PRKCE: variants seen among roughly 807,000 people sequenced by gnomAD.
PRKCE encodes the protein protein kinase C epsilon.
Under a neutral mutation model 85.4 loss-of-function variants are expected in PRKCE, and 16 were observed. The ratio of observed to expected loss-of-function variants is 0.19; its 90% confidence interval spans 0.13 to 0.28. The LOEUF (loss-of-function observed/expected upper bound fraction) is 0.28. Among genes scored for constraint, PRKCE ranks in the 10% least tolerant of loss-of-function variants. The pLI is 1.00. For synonymous variants in PRKCE, 388 were observed against 371.5 expected (o/e 1.04, Z -0.51); for missense variants, 573 against 975.2 (o/e 0.59, Z 5.49).
intron 1 of PRKCE, among the ~76,000 whole-genome samples, chr2:45,665,812 A>G (rs1675884561): frequency 6.6e-6 from 1 of 152,182 alleles, no homozygotes; most frequent in African/African-American, 2.4e-5. Flanking sequence ...TTTCTTTGCT[A>G]AAGCTGGCAA....
intron 11 of PRKCE, among the ~76,000 whole-genome samples, chr2:46,132,514 T>C (rs1396449368): frequency 6.6e-6 from 1 of 152,184 alleles, no homozygotes; most frequent in South Asian, 2.1e-4. Flanking sequence ...TCTTTATCTC[T>C]AATCACCTTT....
rs1298344155 is a variant in PRKCE at position 45,884,989 on chromosome 2, A to G, written c.412+41926A>G. Among the ~76,000 whole-genome samples the G allele has an allele frequency of 1.6e-3, 98 of 61,690 alleles. 4 individuals are homozygous for G. The East Asian group carries it at 0.019, about 12-fold the overall frequency. The allele number at this position is 61,690 out of a possible 152,430, so 40.5% of individuals were successfully genotyped here. On this transcript the variant is annotated intron_variant, in intron 2 of 14. Transcript: ENST00000306156. ...TATATATATATATATATATATATAT[A>G]TATATATATATATTTGTTGTTGTTG... is the stretch of plus-strand genomic sequence containing the variant.
intron 6 of PRKCE, among the ~76,000 whole-genome samples, chr2:45,985,565 T>G (rs1703251526): frequency 6.6e-6 from 1 of 152,042 alleles, no homozygotes; most frequent in Admixed American, 6.5e-5. Context: ...ATAAGTAAAG[T>G]ATAAGAAAAT....
In PRKCE at chr2:45,988,324, C is replaced by T. The variant is rs540230702; in HGVS notation, c.823+3644C>T. Among the ~76,000 whole-genome samples, 180 of 152,320 alleles carry T rather than the reference C, an allele frequency of 1.2e-3. 2 individuals carry two copies. In the Middle Eastern group the frequency reaches 0.014, roughly 12 times the overall value. Reference sequence around the variant, plus strand: ...TACGAGGAGGGATCCATGAGACTGTCCTGGTCACTCTTTCTCCAGTCTAAA... The same window carrying T: ...TACGAGGAGGGATCCATGAGACTGTTCTGGTCACTCTTTCTCCAGTCTAAA... On this transcript the variant is annotated intron_variant, in intron 6 of 14. Transcript: ENST00000306156.
intron 1 of PRKCE, among the ~76,000 whole-genome samples, chr2:45,711,788 C>A (rs1020053060): frequency 2.0e-5 from 3 of 152,160 alleles, no homozygotes; most frequent in Non-Finnish European, 4.4e-5. Context: ...CCATGCCCAG[C>A]TAATTTTTCT....
At chr2:46,126,247 C>T (rs1673835230) in intron 11 of PRKCE, among the ~76,000 whole-genome samples, 1 of 152,220 alleles carries the variant, frequency 6.6e-6, no homozygotes, top group African/African-American at 2.4e-5. Context: ...CAGATATTTA[C>T]TAAGGGCCTA....
intron 10 of PRKCE, among the ~76,000 whole-genome samples, chr2:46,063,061 CT>C (rs954030461): frequency 6.6e-6 from 1 of 152,244 alleles, no homozygotes; most frequent in Admixed American, 6.5e-5. Context: ...TATTCTCCAT[CT>C]GCAGTCAACT....
intron 1 of PRKCE, among the ~76,000 whole-genome samples, chr2:45,657,130 G>C (rs1304910395): frequency 6.6e-6 from 1 of 152,200 alleles, no homozygotes; most frequent in Non-Finnish European, 1.5e-5. Flanking sequence ...ACTGAGCTCA[G>C]TTTCCTCTTT....
intron 8 of PRKCE, among the ~76,000 whole-genome samples, chr2:46,006,644 G>A (rs1705222508): frequency 6.6e-6 from 1 of 152,224 alleles, no homozygotes; most frequent in Non-Finnish European, 1.5e-5. Context: ...TTTCCACACA[G>A]AAGAGTGCGT....
chr2:46,015,560 G>T (rs76318353), intron 10 of PRKCE, among the ~76,000 whole-genome samples: 3,812 of 152,150 alleles, frequency 0.025, 165 homozygotes, highest in African/African-American at 0.088. Context: ...ACAAAGCAAC[G>T]GGAGACGTTT....
rs1178596335 is a variant in PRKCE, at chr2:45,895,729, G to C, written c.412+52666G>C. Among the ~76,000 whole-genome samples the C allele has an allele frequency of 6.6e-6, 1 of 152,206 alleles. No homozygotes were observed. The highest frequency in any genetic ancestry group is 1.5e-5 in the Non-Finnish European group (1 of 68,030). ...CTCTGCTAGGGGCTGGGGCAATCCA[G>C]TGGAAAAGGATGGTCTCAATCTCAG... On this transcript the variant is annotated intron_variant, in intron 2 of 14. Coordinates refer to ENST00000306156, the MANE Select transcript of PRKCE (RefSeq NM_005400.3). The surrounding 1 kb of genome is among the most constrained non-coding windows in gnomAD (Gnocchi z 4.8).
At chr2:46,174,988 GC>G (rs1679287762) in intron 14 of PRKCE, among the ~76,000 whole-genome samples, 2 of 152,074 alleles carry the variant, frequency 1.3e-5, no homozygotes, top group Non-Finnish European at 2.9e-5. Flanking sequence ...ACCACGCCCA[GC>G]CGAGATCTGG....
At chr2:46,084,917 A>C (rs116151934) in intron 10 of PRKCE, among the ~76,000 whole-genome samples, 6,335 of 151,962 alleles carry the variant, frequency 0.042, 149 homozygotes, top group Admixed American at 0.057. Context: ...CTGCATCTAA[A>C]ATCCTCCATG....
chr2:45,669,486 C>T (rs1240167266), intron 1 of PRKCE, among the ~76,000 whole-genome samples: 2 of 152,206 alleles, frequency 1.3e-5, no homozygotes, highest in Admixed American at 6.5e-5. Context: ...GAAGCCTCTG[C>T]TCTGTGCCTG....
At chr2:45,686,416 T>C (rs1397344883) in intron 1 of PRKCE, 2 of 152,184 alleles carry the variant, frequency 1.3e-5, no homozygotes, top group Non-Finnish European at 2.9e-5. Flanking sequence ...GCTGATGCAC[T>C]TGGACAAAAG....
At chr2:45,988,083 C>G (rs945702004) in intron 6 of PRKCE, among the ~76,000 whole-genome samples, 1 of 152,206 alleles carries the variant, frequency 6.6e-6, no homozygotes, top group African/African-American at 2.4e-5. Flanking sequence ...CCCTATGCCA[C>G]CCTTTGCTGC....
intron 1 of PRKCE, among the ~76,000 whole-genome samples, chr2:45,740,107 A>G (rs1319778185): frequency 6.7e-6 from 1 of 150,356 alleles, no homozygotes; most frequent in Non-Finnish European, 1.5e-5. Flanking sequence ...ACTTGAGCCC[A>G]GGAGTTTAAG....
intron 6 of PRKCE, among the ~76,000 whole-genome samples, chr2:45,995,545 G>A (rs1412135243): frequency 6.6e-6 from 1 of 152,100 alleles, no homozygotes; most frequent in Non-Finnish European, 1.5e-5. Context: ...TAAGGTTTGT[G>A]TCTAGATTCA....
intron 1 of PRKCE, chr2:45,675,256 A>T (rs910125795): frequency 6.6e-6 from 1 of 152,234 alleles, no homozygotes; most frequent in Non-Finnish European, 1.5e-5. Context: ...GACCAGGAAG[A>T]CCCAGCGTGC....
Sources: allele counts gnomAD v4.1 joint callset (sites outside exome capture counted in the v4.1 genomes callset), GRCh38; gene constraint gnomAD v4.1.1; non-coding constraint Gnocchi (gnomAD v3.1); transcripts MANE v1.5; gene names NCBI Gene and HGNC (gene_info 2026-07-23, HGNC 2026-07-21).